RAD51B: variants seen among roughly 807,000 people sequenced by gnomAD.
RAD51B encodes the protein RAD51 paralog B.
A neutral mutation model predicts 42.2 loss-of-function variants in RAD51B; 38 were observed. The observed-to-expected ratio is 0.90, with a 90% CI of 0.70 to 1.18. RAD51B has a LOEUF of 1.18. RAD51B is among the 50% of genes most tolerant of loss of function. The pLI is 0.00. For synonymous variants in RAD51B, 154 were observed against 145.2 expected, an observed-to-expected ratio of 1.06 and a Z score of -0.43; for missense variants, 373 against 400.7, an observed-to-expected ratio of 0.93 and a Z score of 0.59.
intron 7 of RAD51B, among the ~76,000 whole-genome samples, chr14:68,246,162 A>G (rs1393910347): frequency 6.6e-6 from 1 of 152,172 alleles, no homozygotes; most frequent in Non-Finnish European, 1.5e-5. Context: ...CTCCCTGGAC[A>G]GAAGTACGTC....
rs894877830 is a variant in RAD51B at position 68,038,204 on chromosome 14, A to G, written c.756+151000A>G. On this transcript the variant is annotated intron_variant, in intron 7 of 10. Transcript: ENST00000471583. ...GGATTTGCTTATAATTTCCTCTTTT[A>G]TCTTTTACAAATTAAAAAGTTGGTA... 8.5e-5 allele frequency among the ~76,000 whole-genome samples: 13 copies of G among 152,348 alleles called. No homozygotes were observed. The South Asian group carries it at 1.2e-3, about 15-fold the overall frequency.
chr14:67,975,169 A>G (rs2074968803), intron 7 of RAD51B, among the ~76,000 whole-genome samples: 1 of 152,218 alleles, frequency 6.6e-6, no homozygotes, highest in African/African-American at 2.4e-5. Context: ...ATGAACATTC[A>G]GACATCCGAT....
intron 7 of RAD51B, among the ~76,000 whole-genome samples, chr14:68,072,543 G>T (rs1350683301): frequency 1.3e-5 from 2 of 151,978 alleles, no homozygotes; most frequent in East Asian, 3.9e-4. Flanking sequence ...ATTAAGAGTG[G>T]GTCTGCCTTC....
intron 7 of RAD51B, among the ~76,000 whole-genome samples, chr14:68,179,193 A>C (rs80180911): frequency 0.024 from 3,655 of 152,160 alleles, 115 homozygotes; most frequent in African/African-American, 0.072. Context: ...TTTATTGGTG[A>C]GTGGTTTCCT....
intron 7 of RAD51B, among the ~76,000 whole-genome samples, chr14:68,252,562 G>C (rs1385545269): frequency 6.6e-6 from 1 of 152,138 alleles, no homozygotes. Flanking sequence ...TATTTTAATA[G>C]GGTCACACTT....
intron 7 of RAD51B, among the ~76,000 whole-genome samples, chr14:68,131,693 C>A (rs1327436538): frequency 1.3e-5 from 2 of 152,142 alleles, no homozygotes; most frequent in Non-Finnish European, 2.9e-5. Flanking sequence ...GAAACTCTAT[C>A]TCAAAAAAAT....
chr14:68,608,984 T>G (rs1002555716), intron 10 of RAD51B, among the ~76,000 whole-genome samples: 5 of 152,116 alleles, frequency 3.3e-5, no homozygotes, highest in African/African-American at 1.2e-4. Context: ...CCTGGCTCCC[T>G]CAGACACCTC....
At chr14:68,627,972 C>G (rs73285870) in intron 10 of RAD51B, among the ~76,000 whole-genome samples, 1 of 151,932 alleles carries the variant, frequency 6.6e-6, no homozygotes, top group Non-Finnish European at 1.5e-5. Context: ...AAAGCCAGGC[C>G]CTTGACGACA....
intron 7 of RAD51B, among the ~76,000 whole-genome samples, chr14:67,931,827 T>C (rs1409255834): frequency 1.3e-5 from 2 of 152,156 alleles, no homozygotes; most frequent in Non-Finnish European, 2.9e-5. Flanking sequence ...TTTCTTTTTA[T>C]TGGGATGTGT....
intron 10 of RAD51B, among the ~76,000 whole-genome samples, chr14:68,637,364 C>T (rs1312456067): frequency 7.2e-5 from 11 of 152,198 alleles, no homozygotes; most frequent in Non-Finnish European, 1.3e-4. Context: ...CAAGCATGAG[C>T]CACCTCACTC....
rs371446765 is a variant in RAD51B, at chr14:68,387,864, A to C, written c.854-23560A>C. ...ATGAAAGGTGCCTTAAGTGTAAAAT[A>C]TGCACTGAATTTCAAGGACAGTATG... is the stretch of plus-strand genomic sequence containing the variant. On this transcript the variant is annotated intron_variant, in intron 8 of 10. Transcript: ENST00000471583. Among the ~76,000 whole-genome samples the C allele has an allele frequency of 1.6e-4, 25 of 152,264 alleles. No individual in the cohort carries two copies. In the East Asian group the frequency reaches 4.6e-3, roughly 28 times the overall value.
chr14:68,457,883 G>A (rs1241063035), intron 9 of RAD51B, among the ~76,000 whole-genome samples: 1 of 147,728 alleles, frequency 6.8e-6, no homozygotes, highest in Non-Finnish European at 1.5e-5. Flanking sequence ...AAAGTGCTGG[G>A]ATTACAGGCG....
chr14:67,827,704 C>T (rs539580420), intron 3 of RAD51B, among the ~76,000 whole-genome samples: 8 of 152,250 alleles, frequency 5.3e-5, no homozygotes, highest in African/African-American at 1.2e-4. Flanking sequence ...GTGTTCTCAT[C>T]GTTCAGCTCC....
intron 8 of RAD51B, among the ~76,000 whole-genome samples, chr14:68,388,981 G>A (rs1017107336): frequency 3.3e-5 from 5 of 152,068 alleles, no homozygotes; most frequent in Admixed American, 6.5e-5. Context: ...CATTTTTATG[G>A]AGCCATATTT....
chr14:68,513,901 G>C (rs1221919896), intron 10 of RAD51B, among the ~76,000 whole-genome samples: 1 of 152,194 alleles, frequency 6.6e-6, no homozygotes, highest in Non-Finnish European at 1.5e-5. Flanking sequence ...GCTATCTATT[G>C]GACGTGAGAT....
intron 10 of RAD51B, among the ~76,000 whole-genome samples, chr14:68,622,723 CAAAA>C (rs34816047): frequency 4.3e-5 from 5 of 115,446 alleles, no homozygotes; most frequent in African/African-American, 1.6e-4. Flanking sequence ...TATCCATTTA[CAAAA>C]AAAAAAAAAA....
At position 68,401,575 on chromosome 14, in the gene RAD51B, C is replaced by G. The variant is rs373819977; in HGVS notation, c.854-9849C>G. Among the ~76,000 whole-genome samples the G allele has an allele frequency of 3.9e-5, 6 of 152,308 alleles. No homozygotes were observed. The East Asian group carries it at 7.7e-4, about 20-fold the overall frequency. On this transcript the variant is annotated intron_variant, in intron 8 of 10. Coordinates refer to ENST00000471583, the MANE Select transcript of RAD51B (RefSeq NM_133510.4). ...GTAACGAGTTTGCTGAGACTTGCAT[C>G]AGCCTAGGTATGTTGTGCAAGTAAA...
At chr14:68,634,705 G>C (rs1892307407) in intron 10 of RAD51B, among the ~76,000 whole-genome samples, 1 of 152,294 alleles carries the variant, frequency 6.6e-6, no homozygotes, top group South Asian at 2.1e-4. Flanking sequence ...GACGGAGGTG[G>C]AGCCTCTGGA....
intron 7 of RAD51B, among the ~76,000 whole-genome samples, chr14:68,079,722 A>G (rs567535508): frequency 6.6e-6 from 1 of 152,328 alleles, no homozygotes; most frequent in East Asian, 1.9e-4. Context: ...TTTAAAGTAT[A>G]TATTTTTTCT....
Sources: allele counts gnomAD v4.1 joint callset (sites outside exome capture counted in the v4.1 genomes callset), GRCh38; gene constraint gnomAD v4.1.1; transcripts MANE v1.5; gene names NCBI Gene and HGNC (gene_info 2026-07-23, HGNC 2026-07-21).